SLCO5A1: variants seen among roughly 807,000 people sequenced by gnomAD.
SLCO5A1 encodes the protein solute carrier organic anion transporter family member 5A1, also known as organic anion transporter polypeptide-related protein 4.
Under a neutral mutation model 65.1 loss-of-function variants are expected in SLCO5A1, and 39 were observed. The observed-to-expected ratio is 0.60, with a 90% CI of 0.46 to 0.78. SLCO5A1 has a LOEUF of 0.78. Ranked by LOEUF, SLCO5A1 falls within the 30% of genes least tolerant of loss-of-function variation. SLCO5A1 has a pLI of 0.00. For synonymous variants in SLCO5A1, 438 were observed against 415.7 expected (o/e 1.05, Z -0.65); for missense variants, 1,029 against 1,069.4 (o/e 0.96, Z 0.53).
At chr8:69,796,560 T>G (rs1376291802) in intron 2 of SLCO5A1, among the ~76,000 whole-genome samples, 1 of 151,990 alleles carries the variant, frequency 6.6e-6, no homozygotes, top group Non-Finnish European at 1.5e-5. Context: ...AGGTCTACAG[T>G]GAGCCATGAT....
intron 4 of SLCO5A1, among the ~76,000 whole-genome samples, chr8:69,748,063 G>C (rs770437483): frequency 6.6e-6 from 1 of 151,880 alleles, no homozygotes; most frequent in South Asian, 2.1e-4. Flanking sequence ...CCCCATGAAG[G>C]TACTCTAAGT....
chr8:69,674,116 C>G (rs1004833535), intron 9 of SLCO5A1, among the ~76,000 whole-genome samples: 7 of 152,330 alleles, frequency 4.6e-5, no homozygotes, highest in African/African-American at 1.7e-4. Context: ...CCTTTAAATT[C>G]CTGACTTACT....
intron 8 of SLCO5A1, among the ~76,000 whole-genome samples, chr8:69,677,670 T>C (rs919351585): frequency 6.6e-6 from 1 of 152,194 alleles, no homozygotes; most frequent in Non-Finnish European, 1.5e-5. Flanking sequence ...AACAAACCAG[T>C]GGGCCTTTCA....
At position 69,669,985 on chromosome 8, in the gene SLCO5A1, G is replaced by C. The variant is rs1173123134; in HGVS notation, c.*2884C>G. On this transcript the variant is annotated 3_prime_UTR_variant, in exon 10 of 10. Transcript: ENST00000260126. ...TCTCCATCCCCAACACCTTGACTCTGAATTACTTTTGAATATTTTCAAGAA... is the reference window on the plus strand; with the variant it reads ...TCTCCATCCCCAACACCTTGACTCTCAATTACTTTTGAATATTTTCAAGAA... 2 of 152,044 alleles carry C rather than the reference G, an allele frequency of 1.3e-5. No homozygotes were observed. Among genetic ancestry groups the C allele is most frequent in the East Asian group, 3.9e-4 (2 of 5,186 alleles). 9.4% of individuals were successfully genotyped at this position (152,044 alleles called of 1,614,324 possible).
intron 2 of SLCO5A1, among the ~76,000 whole-genome samples, chr8:69,829,969 G>A (rs1021584748): frequency 6.6e-6 from 1 of 152,126 alleles, no homozygotes; most frequent in Non-Finnish European, 1.5e-5. Flanking sequence ...TGTGTCGTGG[G>A]TATACTGGTG....
intron 2 of SLCO5A1, among the ~76,000 whole-genome samples, chr8:69,807,521 C>A (rs1016965845): frequency 4.6e-5 from 7 of 152,336 alleles, no homozygotes; most frequent in African/African-American, 1.7e-4. Flanking sequence ...TTCTGGCCCT[C>A]TCCCGCACAG....
intron 2 of SLCO5A1, among the ~76,000 whole-genome samples, chr8:69,785,290 A>AT: frequency 6.6e-6 from 1 of 152,348 alleles, no homozygotes; most frequent in Admixed American, 6.5e-5. Context: ...AAACATTATC[A>AT]TGATAGTAGT....
intron 5 of SLCO5A1, among the ~76,000 whole-genome samples, chr8:69,715,451 T>C (rs1353360932): frequency 1.3e-5 from 2 of 152,214 alleles, no homozygotes; most frequent in Non-Finnish European, 2.9e-5. Flanking sequence ...GTCAGCAACT[T>C]TCAACTTCTC....
chr8:69,747,736 T>C (rs936636568), intron 4 of SLCO5A1, among the ~76,000 whole-genome samples: 1 of 152,198 alleles, frequency 6.6e-6, no homozygotes, highest in Non-Finnish European at 1.5e-5. Flanking sequence ...TTGCAGTTCC[T>C]GTCATTTTTA....
intron 5 of SLCO5A1, among the ~76,000 whole-genome samples, chr8:69,709,698 T>C (rs1815136901): frequency 6.6e-6 from 1 of 152,200 alleles, no homozygotes; most frequent in Non-Finnish European, 1.5e-5. Flanking sequence ...TTGGTTTCTT[T>C]TCTGTATAAT....
intron 5 of SLCO5A1, among the ~76,000 whole-genome samples, chr8:69,712,843 A>G (rs993967231): frequency 1.4e-5 from 2 of 145,484 alleles, no homozygotes; most frequent in Non-Finnish European, 3.0e-5. Flanking sequence ...CTTTGAATTT[A>G]TTATATAAAA....
chr8:69,832,271 A>T lies in SLCO5A1; in HGVS notation c.403T>A (p.Cys135Ser), dbSNP rs757919882. The T allele has an allele frequency of 6.2e-7, 1 of 1,614,196 alleles. No individual in the cohort carries two copies. Among genetic ancestry groups the T allele is most frequent in the Non-Finnish European group, 8.5e-7 (1 of 1,180,032 alleles). ...AACGCCTGGATGAAGGTCAGAAAGC[A>T]CATGCACACCAGGAAGCAACGGGAA... ...TDSRCFLVCM[C>S]FLTFIQALMV... The change falls in exon 2 of 10, where the codon TGC (cysteine) becomes AGC (serine). Residue 135 changes from cysteine to serine, a missense_variant. Physicochemically the swap from Cys to Ser is moderately radical, Grantham distance 112 (BLOSUM62 -1). Transcript: ENST00000260126. This position sits in a 1 kb window ranked among gnomAD's most constrained non-coding sequence, Gnocchi z 4.5.
chr8:69,826,813 C>T (rs1197628727), intron 2 of SLCO5A1, among the ~76,000 whole-genome samples: 1 of 152,078 alleles, frequency 6.6e-6, no homozygotes, highest in Non-Finnish European at 1.5e-5. Context: ...ACCCAAAGGA[C>T]TGTAAATCAT....
At chr8:69,765,386 T>TTATATATA (rs371210780) in intron 2 of SLCO5A1, among the ~76,000 whole-genome samples, 1 of 149,048 alleles carries the variant, frequency 6.7e-6, no homozygotes, top group African/African-American at 2.5e-5. Context: ...GTATGAGTAT[T>TTATATATA]TATATATATA....
intron 5 of SLCO5A1, among the ~76,000 whole-genome samples, chr8:69,729,168 G>A (rs535997604): frequency 6.6e-6 from 1 of 152,296 alleles, no homozygotes; most frequent in Non-Finnish European, 1.5e-5. Context: ...AACTGCGCCC[G>A]GTGCAGTGGC....
At chr8:69,709,434 G>C (rs940461832) in intron 5 of SLCO5A1, among the ~76,000 whole-genome samples, 2 of 152,230 alleles carry the variant, frequency 1.3e-5, no homozygotes, top group Non-Finnish European at 2.9e-5. Flanking sequence ...GGCTAGAACA[G>C]AGGATAAATC....
At chr8:69,782,501 G>T (rs1365529483) in intron 2 of SLCO5A1, among the ~76,000 whole-genome samples, 1 of 150,270 alleles carries the variant, frequency 6.7e-6, no homozygotes, top group Non-Finnish European at 1.5e-5. Flanking sequence ...GATATCTTGG[G>T]CCCAGGAGGT....
intron 2 of SLCO5A1, among the ~76,000 whole-genome samples, chr8:69,784,654 G>A (rs1038736430): frequency 6.6e-6 from 1 of 151,710 alleles, no homozygotes; most frequent in Non-Finnish European, 1.5e-5. Context: ...CAGGCATGGT[G>A]GTGTGTGCTT....
At chr8:69,785,435 T>C (rs187557688) in intron 2 of SLCO5A1, among the ~76,000 whole-genome samples, 158 of 152,360 alleles carry the variant, frequency 1.0e-3, no homozygotes, top group African/African-American at 3.6e-3. Flanking sequence ...TAAGTTATTC[T>C]ATGATAAATG....
Sources: gnomAD v4.1 joint callset for allele counts (sites outside exome capture counted in the v4.1 genomes callset) on GRCh38, gnomAD v4.1.1 for gene constraint, Gnocchi (gnomAD v3.1) non-coding constraint, MANE v1.5 for transcripts, NCBI Gene and HGNC (gene_info 2026-07-23, HGNC 2026-07-21) for gene names.